The following C9orf85 variants were observed in gnomAD, a reference collection of about 807,000 sequenced individuals.
The protein encoded by C9orf85 is uncharacterized protein C9orf85.
C9orf85 carries 16 observed loss-of-function variants against 14.9 expected under a neutral mutation model. The observed-to-expected ratio is 1.08, with a 90% CI of 0.73 to 1.63. The LOEUF is 1.63. C9orf85 is among the 40% of genes most tolerant of loss of function. C9orf85 has a pLI of 0.00. For missense variants in C9orf85, 172 were observed against 186.1 expected, an observed-to-expected ratio of 0.92 and a Z score of 0.44; for synonymous variants, 45 against 56.8, an observed-to-expected ratio of 0.79 and a Z score of 0.93.
At chr9:71,945,848 C>A (rs1205444507) in intron 1 of C9orf85, among the ~76,000 whole-genome samples, 2 of 150,764 alleles carry the variant, frequency 1.3e-5, no homozygotes. Context: ...GTCTTCTGCT[C>A]ATTATTCCAA....
At chr9:71,968,861 C>T (rs1822775326) in intron 2 of C9orf85, among the ~76,000 whole-genome samples, 1 of 152,136 alleles carries the variant, frequency 6.6e-6, no homozygotes, top group South Asian at 2.1e-4. Context: ...ACAATCTAAG[C>T]TAATTCCAAC....
rs557944239 is a variant in C9orf85, at chr9:71,927,874, C to G, written c.102+16038C>G. 6.6e-5 allele frequency among the ~76,000 whole-genome samples: 10 copies of G among 152,236 alleles called. No homozygotes were observed. In the South Asian group the frequency reaches 1.4e-3, roughly 22 times the overall value. On this transcript the variant is annotated intron_variant, in intron 1 of 3. Coordinates refer to ENST00000334731, the MANE Select transcript of C9orf85 (RefSeq NM_182505.5). ...ACAGTTAACTGGATTACTTTATTTT[C>G]TGTCCTTTATCAAGTTACTTGCATT... is the stretch of plus-strand genomic sequence containing the variant.
intron 1 of C9orf85, chr9:71,918,420 G>C (rs2132249017): frequency 7.7e-7 from 1 of 1,302,224 alleles, no homozygotes; most frequent in Non-Finnish European, 1.0e-6. Flanking sequence ...TTACCTTTTT[G>C]TAAGTCTTTA....
intron 1 of C9orf85, chr9:71,912,046 G>C (rs1360872032): frequency 5.6e-6 from 3 of 536,826 alleles, no homozygotes; most frequent in East Asian, 6.9e-5. Flanking sequence ...TTGATGGTCA[G>C]CACACTTAAC....
intron 1 of C9orf85, among the ~76,000 whole-genome samples, chr9:71,913,809 T>G (rs1241012762): frequency 6.6e-6 from 1 of 152,238 alleles, no homozygotes; most frequent in Non-Finnish European, 1.5e-5. Context: ...ATCTAATAAC[T>G]ATGTCATTCT....
At chr9:71,963,918 G>GT (rs1342329006) in intron 2 of C9orf85, among the ~76,000 whole-genome samples, 20 of 152,186 alleles carry the variant, frequency 1.3e-4, no homozygotes, top group Non-Finnish European at 2.9e-4. Flanking sequence ...GGGCTGAGGA[G>GT]TGCGGGCGCA....
intron 1 of C9orf85, among the ~76,000 whole-genome samples, chr9:71,921,172 T>A (rs1047408408): frequency 6.6e-6 from 1 of 152,216 alleles, no homozygotes; most frequent in East Asian, 1.9e-4. Flanking sequence ...ATATTTCTTT[T>A]GACATATTTA....
At chr9:71,916,367 T>C (rs903545137) in intron 1 of C9orf85, among the ~76,000 whole-genome samples, 1 of 152,130 alleles carries the variant, frequency 6.6e-6, no homozygotes, top group African/African-American at 2.4e-5. Flanking sequence ...ATCTTCTTCA[T>C]AGGGCAGGAG....
exon 4 of C9orf85, chr9:71,983,186 G>C (rs1823135716): frequency 6.6e-6 from 1 of 152,536 alleles, no homozygotes; most frequent in African/African-American, 2.4e-5. Flanking sequence ...AGTAGAAACA[G>C]GTTTTCACAA....
chr9:71,920,608 A>G (rs1486581054), intron 1 of C9orf85, among the ~76,000 whole-genome samples: 1 of 152,156 alleles, frequency 6.6e-6, no homozygotes, highest in Non-Finnish European at 1.5e-5. Flanking sequence ...CACACCTGCA[A>G]AAATATTACT....
downstream of C9orf85, among the ~76,000 whole-genome samples, chr9:71,976,884 C>A (rs1823012075): frequency 6.6e-6 from 1 of 152,172 alleles, no homozygotes; most frequent in South Asian, 2.1e-4. Context: ...GCCTCTCTTG[C>A]AACTAGGAGT....
intron 1 of C9orf85, among the ~76,000 whole-genome samples, chr9:71,923,745 A>T (rs372322545): frequency 5.3e-5 from 8 of 152,226 alleles, no homozygotes; most frequent in Admixed American, 2.0e-4. Flanking sequence ...CAATGTCTGT[A>T]CCCATATATT....
chr9:71,967,140 TAGATA>T (rs1822715411), intron 2 of C9orf85, among the ~76,000 whole-genome samples: 1 of 152,232 alleles, frequency 6.6e-6, no homozygotes, highest in Non-Finnish European at 1.5e-5. Flanking sequence ...TTTGTTGTTG[TAGATA>T]AGATGTCTTT....
chr9:71,979,001 C>T (rs1169246813), intron 3 of C9orf85, among the ~76,000 whole-genome samples: 1 of 152,170 alleles, frequency 6.6e-6, no homozygotes, highest in Non-Finnish European at 1.5e-5. Context: ...CATCGCTGCA[C>T]TCCAGCCTGG....
chr9:71,962,188 T>C (rs1822538209), intron 2 of C9orf85, among the ~76,000 whole-genome samples: 1 of 152,150 alleles, frequency 6.6e-6, no homozygotes, highest in Admixed American at 6.5e-5. Context: ...TAAGAATTAT[T>C]GTAATCTACT....
downstream of C9orf85, among the ~76,000 whole-genome samples, chr9:71,976,586 CG>C (rs1263959009): frequency 6.6e-6 from 1 of 150,664 alleles, no homozygotes; most frequent in African/African-American, 2.5e-5. Flanking sequence ...GGCATGAACC[CG>C]GGAGGCGGAG....
chr9:71,944,671 A>C (rs772364091), intron 1 of C9orf85, among the ~76,000 whole-genome samples: 1 of 152,144 alleles, frequency 6.6e-6, no homozygotes, highest in Non-Finnish European at 1.5e-5. Flanking sequence ...AACTAGGATT[A>C]ACTTTCTTTG....
intron 1 of C9orf85, among the ~76,000 whole-genome samples, chr9:71,939,050 G>A (rs1012961116): frequency 1.4e-5 from 2 of 142,420 alleles, no homozygotes; most frequent in African/African-American, 5.1e-5. Context: ...GATAGGACTT[G>A]TCTTTATTCT....
intron 1 of C9orf85, among the ~76,000 whole-genome samples, chr9:71,937,897 TTCTC>T (rs1407216711): frequency 6.6e-6 from 1 of 152,134 alleles, no homozygotes; most frequent in Non-Finnish European, 1.5e-5. Context: ...AAGTGTTGAT[TTCTC>T]TCTAATTAGC....
Sources: gnomAD v4.1 joint callset for allele counts (sites outside exome capture counted in the v4.1 genomes callset) on GRCh38, gnomAD v4.1.1 for gene constraint, MANE v1.5 for transcripts, NCBI Gene and HGNC (gene_info 2026-07-23, HGNC 2026-07-21) for gene names.